GSDME: variants seen among roughly 807,000 people sequenced by gnomAD.
GSDME encodes the protein gasdermin-E.
In GSDME, 44 loss-of-function variants were observed where a neutral mutation model predicts 47.5. That is an observed-to-expected ratio of 0.93 (90% CI 0.73 to 1.19). GSDME has a LOEUF of 1.19. GSDME is among the 50% of genes most tolerant of loss of function. The pLI is 0.00. For missense variants in GSDME, 663 were observed against 604.2 expected (o/e 1.10, Z -1.02); for synonymous variants, 258 against 252.8 (o/e 1.02, Z -0.20).
intron 3 of GSDME, among the ~76,000 whole-genome samples, chr7:24,727,141 G>A (rs566975369): frequency 6.6e-6 from 1 of 152,000 alleles, no homozygotes; most frequent in Admixed American, 6.5e-5. Context: ...ACATGGGAGG[G>A]GGATGGCCCT....
chr7:24,782,034 C>T, the GSDME span, among the ~76,000 whole-genome samples: 2 of 152,310 alleles, frequency 1.3e-5, no homozygotes, highest in South Asian at 4.1e-4. Flanking sequence ...AAATGAGCCA[C>T]AGCACCCAGC....
In GSDME at chr7:24,744,784, C is replaced by T. The variant is rs2521768; in HGVS notation, c.212-30G>A. 0.51 allele frequency: 825,368 copies of T among 1,610,584 alleles called. 222,607 individuals carry two copies. Among genetic ancestry groups the T allele is most frequent in the African/African-American group, 0.85 (63,098 of 74,402 alleles). ...AATGGAGGAGACGAGCAGAGGAAGC[C>T]GATGATGATAAGGCCACCAAGATGT... is the stretch of plus-strand genomic sequence containing the variant. On this transcript the variant is annotated intron_variant, in intron 2 of 9. Coordinates refer to ENST00000645220, the MANE Select transcript of GSDME (RefSeq NM_001127453.2). This position sits in a 1 kb window ranked among gnomAD's most constrained non-coding sequence, Gnocchi z 4.5.
the GSDME span, among the ~76,000 whole-genome samples, chr7:24,781,606 T>G: frequency 6.6e-6 from 1 of 152,188 alleles, no homozygotes; most frequent in Non-Finnish European, 1.5e-5. Flanking sequence ...CGAAAACTAT[T>G]AAGAACCCCA....
the GSDME span, among the ~76,000 whole-genome samples, chr7:24,786,540 C>T: frequency 6.6e-6 from 1 of 152,128 alleles, no homozygotes. The surrounding 1 kb of genome is among the most constrained non-coding windows in gnomAD (Gnocchi z 5.5). Flanking sequence ...AGTGGGGTTG[C>T]AAAACTCACA....
At position 24,742,948 on chromosome 7, in the gene GSDME, G is replaced by C. The variant is rs1790536899; in HGVS notation, c.404+1614C>G. Among the ~76,000 whole-genome samples, 1 of 152,246 alleles carries C rather than the reference G, an allele frequency of 6.6e-6. No individual in the cohort carries two copies. The highest frequency in any genetic ancestry group is 6.5e-5 in the Admixed American group (1 of 15,288). On this transcript the variant is annotated intron_variant, in intron 3 of 9. Coordinates refer to ENST00000645220, the MANE Select transcript of GSDME (RefSeq NM_001127453.2). The surrounding 1 kb of genome is among the most constrained non-coding windows in gnomAD (Gnocchi z 4.4). Reference sequence around the variant, plus strand: ...ATAAAGATCATGACTGCCAGAGACAGAGGCAGCTGTCCCTTCTACCTGGTG... The same window carrying C: ...ATAAAGATCATGACTGCCAGAGACACAGGCAGCTGTCCCTTCTACCTGGTG...
intron 9 of GSDME, chr7:24,702,425 T>C (rs1274392167): frequency 1.4e-5 from 5 of 359,560 alleles, no homozygotes; most frequent in Non-Finnish European, 2.7e-5. Flanking sequence ...TTGCAAATAA[T>C]ATGGTGTCAG....
intron 5 of GSDME, among the ~76,000 whole-genome samples, chr7:24,711,397 G>C (rs1183890516): frequency 6.6e-6 from 1 of 151,848 alleles, no homozygotes; most frequent in East Asian, 1.9e-4. Context: ...GCTAATTTTT[G>C]TATTTTTAGT....
chr7:24,738,835 T>G (rs1399943318), intron 3 of GSDME, among the ~76,000 whole-genome samples: 1 of 152,204 alleles, frequency 6.6e-6, no homozygotes, highest in Non-Finnish European at 1.5e-5. Flanking sequence ...TCCATACATT[T>G]ATGTTGAACT....
rs1279603033 is a variant in GSDME, at chr7:24,739,890, C to G, written c.404+4672G>C. Among the ~76,000 whole-genome samples, 1 of 152,042 alleles carries G rather than the reference C, an allele frequency of 6.6e-6. No homozygotes were observed. Among genetic ancestry groups the G allele is most frequent in the Non-Finnish European group, 1.5e-5 (1 of 67,998 alleles). On this transcript the variant is annotated intron_variant, in intron 3 of 9. Coordinates refer to ENST00000645220, the MANE Select transcript of GSDME (RefSeq NM_001127453.2). This position sits in a 1 kb window ranked among gnomAD's most constrained non-coding sequence, Gnocchi z 5.1. ...CAGGCGGATCACGAGGTCAGGAGTTCAAGACCAGCCTGGCCAATATGGTGA... is the reference window on the plus strand; with the variant it reads ...CAGGCGGATCACGAGGTCAGGAGTTGAAGACCAGCCTGGCCAATATGGTGA...
rs1348024339 is a variant in GSDME at position 24,749,800 on chromosome 7, A to C, written c.-19-7T>G. 1.3e-6 allele frequency: 2 copies of C among 1,572,100 alleles called. No homozygotes were observed. The highest frequency in any genetic ancestry group is 2.2e-5 in the South Asian group (2 of 89,578). On this transcript the variant is annotated splice_region_variant and splice_polypyrimidine_tract_variant and intron_variant, in intron 1 of 9. Transcript: ENST00000645220. ...TTTGAAAGCTCCAGATTATCTGAAA[A>C]AGTAAAGTTATCCTAAAATCAAATA...
intron 3 of GSDME, among the ~76,000 whole-genome samples, chr7:24,741,507 C>A (rs377092414): frequency 3.3e-5 from 5 of 152,116 alleles, no homozygotes. Flanking sequence ...TGTGGAATGC[C>A]TTCCTGCCCA....
chr7:24,717,619 T>C (rs531731217), intron 4 of GSDME, among the ~76,000 whole-genome samples: 4 of 152,290 alleles, frequency 2.6e-5, no homozygotes, highest in Admixed American at 1.3e-4. Context: ...GAGCGTGGGA[T>C]ACAGTGAAGT....
At chr7:24,741,364 A>G (rs1476566615) in intron 3 of GSDME, among the ~76,000 whole-genome samples, 1 of 152,108 alleles carries the variant, frequency 6.6e-6, no homozygotes, top group African/African-American at 2.4e-5. Flanking sequence ...AAGACTCAAT[A>G]AATTTGTTAT....
At chr7:24,753,961 T>C (rs1160186160) in intron 1 of GSDME, among the ~76,000 whole-genome samples, 1 of 152,222 alleles carries the variant, frequency 6.6e-6, no homozygotes, top group African/African-American at 2.4e-5. Flanking sequence ...TTAAAGAGTA[T>C]GGCCAGGTCC....
At position 24,706,304 on chromosome 7, in the gene GSDME, CCTG is replaced by C. The variant is rs1359011857; in HGVS notation, c.1060_1062del (p.Gln354del). On this transcript the variant is annotated inframe_deletion, in exon 8 of 10. Transcript: ENST00000645220. ...ACCAGCTGCAGGAAGGCCACAAGGT[CCTG>C]CTGCTGCCGGGGCTTCAGCTCCCCC... The C allele has an allele frequency of 1.2e-6, 2 of 1,614,018 alleles. No homozygotes were observed. Among genetic ancestry groups the C allele is most frequent in the East Asian group, 4.5e-5 (2 of 44,872 alleles).
chr7:24,731,482 A>G (rs1404784784), intron 3 of GSDME, among the ~76,000 whole-genome samples: 1 of 152,178 alleles, frequency 6.6e-6, no homozygotes, highest in Non-Finnish European at 1.5e-5. Flanking sequence ...AGCTCAAACA[A>G]AACATCATGC....
chr7:24,706,483 G>A lies in GSDME; in HGVS notation c.991-107C>T, dbSNP rs1283902689. 3.7e-5 allele frequency: 42 copies of A among 1,128,538 alleles called. No individual in the cohort carries two copies. In the East Asian group the frequency reaches 6.7e-4, roughly 18 times the overall value. 69.9% of individuals were successfully genotyped at this position (1,128,538 alleles called of 1,614,324 possible). On this transcript the variant is annotated intron_variant, in intron 7 of 9. Coordinates refer to ENST00000645220, the MANE Select transcript of GSDME (RefSeq NM_001127453.2). ...AAGCCCCAGCCCTTCCCACTCCCCC[G>A]AGGAAAGTACGACCCGCAGCTCTTC...
At chr7:24,759,140 C>T (rs1358229093), upstream of GSDME, among the ~76,000 whole-genome samples, 1 of 152,200 alleles carries the variant, frequency 6.6e-6, no homozygotes, top group Non-Finnish European at 1.5e-5. Flanking sequence ...AATCCCAGCC[C>T]TGTCAAGAGA....
upstream of GSDME, chr7:24,757,821 C>T (rs1266093664): frequency 6.6e-6 from 1 of 152,356 alleles, no homozygotes; most frequent in East Asian, 1.9e-4. This position sits in a 1 kb window ranked among gnomAD's most constrained non-coding sequence, Gnocchi z 5.9. Context: ...CTCGCGGGGC[C>T]GAACCCGCCA....
Sources: gnomAD v4.1 joint callset for allele counts (sites outside exome capture counted in the v4.1 genomes callset) on GRCh38, gnomAD v4.1.1 for gene constraint, Gnocchi (gnomAD v3.1) non-coding constraint, MANE v1.5 for transcripts, NCBI Gene and HGNC (gene_info 2026-07-23, HGNC 2026-07-21) for gene names.